The following UBAP2 variants were observed in gnomAD, a reference collection of about 807,000 sequenced individuals.
The protein encoded by UBAP2 is ubiquitin-associated protein 2.
A neutral mutation model predicts 139.6 loss-of-function variants in UBAP2; 75 were observed. The observed-to-expected ratio is 0.54, with a 90% CI of 0.45 to 0.65. The LOEUF (loss-of-function observed/expected upper bound fraction) is 0.65. Ranked by LOEUF, UBAP2 falls within the 30% of genes least tolerant of loss-of-function variation. UBAP2 has a pLI of 0.00. For missense variants in UBAP2, 1,368 were observed against 1,369.6 expected (o/e 1.00, Z 0.02); for synonymous variants, 526 against 526.2 (o/e 1.00, Z 0.01).
intron 9 of UBAP2, among the ~76,000 whole-genome samples, chr9:33,962,680 A>T (rs1632692): frequency 0.095 from 13,752 of 145,504 alleles, 791 homozygotes; most frequent in Non-Finnish European, 0.13. Context: ...AAATAAATAA[A>T]TAATTAAAAA....
At chr9:33,995,981 A>G (rs1018541167) in intron 4 of UBAP2, 2 of 358,910 alleles carry the variant, frequency 5.6e-6, no homozygotes, top group Non-Finnish European at 1.0e-5. Context: ...AGATTTTTGG[A>G]AACTGTAAGG....
At chr9:34,036,585 C>T (rs1330610699) in intron 1 of UBAP2, among the ~76,000 whole-genome samples, 1 of 152,122 alleles carries the variant, frequency 6.6e-6, no homozygotes, top group Non-Finnish European at 1.5e-5. Context: ...GTCTGCTCAC[C>T]AACATGTAAG....
In UBAP2 at chr9:33,986,771, G is replaced by A. The variant is rs922035644; in HGVS notation, c.509C>T (p.Ala170Val). 7 of 1,613,890 alleles carry A rather than the reference G, an allele frequency of 4.3e-6. No individual in the cohort carries two copies. The highest frequency in any genetic ancestry group is 5.9e-6 in the Non-Finnish European group (7 of 1,179,944). ...TTACTCTAGCTTACCTCTACCCCGG[G>A]CTCGCTTGCCACGATCTGAAGGTTT... is the stretch of plus-strand genomic sequence containing the variant. ...VDKPSDRGKR[A>V]RGRGFGRGRG... The change falls in exon 6 of 29, where the codon GCC (alanine) becomes GTC (valine). Residue 170 changes from alanine (A) to valine (V), a missense_variant. By Grantham distance (64) the Ala-to-Val change is moderately conservative. Transcript: ENST00000379238.
At chr9:33,983,708 G>T (rs1564046498) in intron 6 of UBAP2, among the ~76,000 whole-genome samples, 2 of 152,174 alleles carry the variant, frequency 1.3e-5, no homozygotes, top group South Asian at 4.2e-4. Context: ...TAATAAATTA[G>T]CAGAGGTGTA....
intron 11 of UBAP2, among the ~76,000 whole-genome samples, chr9:33,954,715 C>A (rs556033091): frequency 6.6e-6 from 1 of 150,600 alleles, no homozygotes; most frequent in East Asian, 1.9e-4. Flanking sequence ...AGTAAATTCA[C>A]TGAATCATAA....
chr9:33,995,422 T>C lies in UBAP2; in HGVS notation c.288+801A>G, dbSNP rs189995755. 9.4e-3 allele frequency: 1,293 copies of C among 137,460 alleles called. 25 individuals carry two copies. The highest frequency in any genetic ancestry group is 0.034 in the African/African-American group (1,213 of 35,914). The allele number at this position is 137,460 out of a possible 1,614,324, so 8.5% of individuals were successfully genotyped here. On this transcript the variant is annotated intron_variant, in intron 4 of 28. Transcript: ENST00000379238. ...TATATATATAAAGTATATATATTTATATATTATTAAACAAATATTATAAAT... is the reference window on the plus strand; with the variant it reads ...TATATATATAAAGTATATATATTTACATATTATTAAACAAATATTATAAAT...
At chr9:33,934,199 A>C (rs1261667770) in intron 17 of UBAP2, 1 of 158,796 alleles carries the variant, frequency 6.3e-6, no homozygotes, top group Non-Finnish European at 1.4e-5. Context: ...ATGCACAGTG[A>C]GCATTTCCTT....
chr9:33,967,440 C>G (rs1360409990), intron 8 of UBAP2, among the ~76,000 whole-genome samples: 1 of 152,198 alleles, frequency 6.6e-6, no homozygotes, highest in Admixed American at 6.6e-5. Context: ...GTAACACCTG[C>G]TGAAAGTTTA....
chr9:33,997,205 TCA>T (rs1822279883), intron 3 of UBAP2: 1 of 152,226 alleles, frequency 6.6e-6, no homozygotes, highest in African/African-American at 2.4e-5. Context: ...AAGAAACTCT[TCA>T]GTTTATTCTC....
At chr9:34,016,903 A>G (rs1479569820) in intron 2 of UBAP2, 147 bp downstream of exon 2, 2 of 636,348 alleles carry the variant, frequency 3.1e-6, no homozygotes, top group East Asian at 3.0e-5. Context: ...AAAGTTTCCT[A>G]CAAAGGAAAA....
chr9:33,987,588 G>GA (rs1282018175), intron 5 of UBAP2, among the ~76,000 whole-genome samples: 2 of 152,086 alleles, frequency 1.3e-5, no homozygotes, highest in Non-Finnish European at 2.9e-5. Context: ...CAGCCTGGGT[G>GA]AAAGAGTGAG....
intron 8 of UBAP2, among the ~76,000 whole-genome samples, chr9:33,965,370 T>C (rs1827367828): frequency 6.6e-6 from 1 of 152,244 alleles, no homozygotes; most frequent in South Asian, 2.1e-4. Flanking sequence ...ATATGGATTT[T>C]ATATAAACAT....
chr9:33,985,566 C>T (rs1821133553), intron 6 of UBAP2, among the ~76,000 whole-genome samples: 1 of 152,082 alleles, frequency 6.6e-6, no homozygotes, highest in Non-Finnish European at 1.5e-5. Context: ...AAACCAGACA[C>T]AGAAAGATAA....
At chr9:33,973,158 T>C (rs1428327117) in intron 7 of UBAP2, 25 bp downstream of exon 7, 2 of 1,609,976 alleles carry the variant, frequency 1.2e-6, no homozygotes, top group South Asian at 1.1e-5. Context: ...TAAATAATTA[T>C]AAAAATAGGA....
intron 21 of UBAP2, 68 bp from the exon 22 acceptor site, chr9:33,926,732 AG>A (rs1823465172): frequency 5.8e-6 from 9 of 1,563,428 alleles, no homozygotes; most frequent in African/African-American, 2.7e-5. Flanking sequence ...AGGTCCATCT[AG>A]GAGTCAAAAC....
At position 33,991,162 on chromosome 9, in the gene UBAP2, T is replaced by C. The variant is rs371794451; in HGVS notation, c.289-2036A>G. On this transcript the variant is annotated intron_variant, in intron 4 of 28. Transcript: ENST00000379238. Reference sequence around the variant, plus strand: ...TTAGCTGAGAGTGGTGGCAGGCACCTGTAATCCCAGCTACTCAGGAGGCTG... The same window carrying C: ...TTAGCTGAGAGTGGTGGCAGGCACCCGTAATCCCAGCTACTCAGGAGGCTG... Among the ~76,000 whole-genome samples, 60 of 152,212 alleles carry C rather than the reference T, an allele frequency of 3.9e-4. No individual in the cohort carries two copies. In the East Asian group the frequency reaches 9.9e-3, roughly 25 times the overall value.
intron 2 of UBAP2, among the ~76,000 whole-genome samples, chr9:34,006,699 G>T (rs571250315): frequency 6.6e-6 from 1 of 151,842 alleles, no homozygotes; most frequent in South Asian, 2.1e-4. Context: ...AAAAGATAAC[G>T]TAAAGAAAAT....
chr9:33,978,253 G>A (rs762419145), intron 6 of UBAP2, among the ~76,000 whole-genome samples: 21 of 151,970 alleles, frequency 1.4e-4, no homozygotes, highest in Admixed American at 2.0e-4. Flanking sequence ...TTAAACGTAA[G>A]CTGGGTCTGG....
intron 2 of UBAP2, among the ~76,000 whole-genome samples, chr9:34,005,410 G>A (rs945812118): frequency 2.1e-5 from 3 of 141,090 alleles, no homozygotes; most frequent in Non-Finnish European, 3.0e-5. Flanking sequence ...ACTCCAGCCT[G>A]GAAGCCAGGG....
Sources: gnomAD v4.1 joint callset for allele counts (sites outside exome capture counted in the v4.1 genomes callset) on GRCh38, gnomAD v4.1.1 for gene constraint, MANE v1.5 for transcripts, NCBI Gene and HGNC (gene_info 2026-07-23, HGNC 2026-07-21) for gene names.